The following ZNF362 variants were observed in gnomAD, a reference collection of about 807,000 sequenced individuals.
ZNF362 encodes rotund homolog.
ZNF362 carries 11 observed loss-of-function variants against 42.9 expected under a neutral mutation model. The ratio of observed to expected loss-of-function variants is 0.26; its 90% confidence interval spans 0.16 to 0.42. The LOEUF is 0.42. Ranked by LOEUF, ZNF362 falls within the 20% of genes least tolerant of loss-of-function variation. The probability of loss-of-function intolerance (pLI) is 1.00; values close to 1 mark genes in which losing one functional copy is unlikely to be tolerated. For synonymous variants in ZNF362, 255 were observed against 257.3 expected (o/e 0.99, Z 0.09); for missense variants, 362 against 576.2 (o/e 0.63, Z 3.81).
intron 1 of ZNF362, among the ~76,000 whole-genome samples, chr1:33,262,479 T>C (rs1645835470): frequency 6.6e-6 from 1 of 151,946 alleles, no homozygotes; most frequent in Admixed American, 6.5e-5. Flanking sequence ...GCTAATTTTT[T>C]TGTATTTTTA....
In ZNF362 at chr1:33,281,700, A is replaced by G. The variant is rs1645995973; in HGVS notation, c.797A>G (p.Asn266Ser). ...CCGCACTGCTCCAAGTCCTTTGCCA[A>G]CGCCTCCTACCTGGCCCAGCACCTG... ...KCPHCSKSFANASYLAQHLRI... is the reference protein window; with the variant it reads ...KCPHCSKSFASASYLAQHLRI... The change falls in exon 6 of 9, where the codon AAC (asparagine) becomes AGC (serine). Residue 266 changes from asparagine to serine, a missense_variant. Asn to Ser is a conservative substitution (Grantham distance 46). Transcript: ENST00000539719. This position sits in a 1 kb window ranked among gnomAD's most constrained non-coding sequence, Gnocchi z 4.8. 1 of 1,614,168 alleles carries G rather than the reference A, an allele frequency of 6.2e-7. No homozygotes were observed. The highest frequency in any genetic ancestry group is 8.5e-7 in the Non-Finnish European group (1 of 1,180,028).
chr1:33,165,755 C>G, the ZNF362 span: 1 of 429,470 alleles, frequency 2.3e-6, no homozygotes, highest in Non-Finnish European at 4.1e-6. This position sits in a 1 kb window ranked among gnomAD's most constrained non-coding sequence, Gnocchi z 4.0. Context: ...AGAACCCGTC[C>G]GTATCTTTCA....
At chr1:33,158,127 A>G in the ZNF362 span, 1 of 775,410 alleles carries the variant, frequency 1.3e-6, no homozygotes, top group Non-Finnish European at 2.2e-6. Context: ...CCTGGAACAC[A>G]CTAGGTGCTC....
At chr1:33,207,923 T>A in the ZNF362 span, among the ~76,000 whole-genome samples, 3 of 152,204 alleles carry the variant, frequency 2.0e-5, no homozygotes, top group African/African-American at 7.2e-5. Context: ...GATAGTTTCT[T>A]TTGCTGTGCA....
the ZNF362 span, among the ~76,000 whole-genome samples, chr1:33,184,339 A>T: frequency 6.6e-6 from 1 of 152,332 alleles, no homozygotes; most frequent in African/African-American, 2.4e-5. Flanking sequence ...AGGAGATGTG[A>T]TGGAAATTGC....
At chr1:33,170,321 TAA>T in the ZNF362 span, among the ~76,000 whole-genome samples, 353 of 146,312 alleles carry the variant, frequency 2.4e-3, no homozygotes, top group East Asian at 7.1e-3. Flanking sequence ...CCAGTCTCTT[TAA>T]AAAAAAAAAA....
At chr1:33,238,671 A>G in the ZNF362 span, among the ~76,000 whole-genome samples, 1 of 152,100 alleles carries the variant, frequency 6.6e-6, no homozygotes, top group African/African-American at 2.4e-5. Context: ...ATGTGACTGG[A>G]TTTGGAGACA....
In ZNF362 at chr1:33,300,464, A is replaced by G. The variant is rs1222522011; in HGVS notation, c.*1418A>G. 7 of 152,410 alleles carry G rather than the reference A, an allele frequency of 4.6e-5. No individual in the cohort carries two copies. The highest frequency in any genetic ancestry group is 1.5e-5 in the Non-Finnish European group (1 of 68,018). The allele number at this position is 152,410 out of a possible 1,614,324, so 9.4% of individuals were successfully genotyped here. The stretch of plus-strand genomic sequence containing the variant: ...GGGACCTCCAGGCCACCATATTTAG[A>G]ACTAGTTACCTTATTAAAAAAGAAA... On this transcript the variant is annotated 3_prime_UTR_variant, in exon 9 of 9. Coordinates refer to ENST00000539719, the MANE Select transcript of ZNF362 (RefSeq NM_152493.3).
At chr1:33,287,696 A>G (rs1325099524) in intron 6 of ZNF362, among the ~76,000 whole-genome samples, 1 of 152,166 alleles carries the variant, frequency 6.6e-6, no homozygotes, top group Non-Finnish European at 1.5e-5. Context: ...AGCAGGGGAA[A>G]GTGTCCTTTT....
the ZNF362 span, among the ~76,000 whole-genome samples, chr1:33,217,945 C>T: frequency 9.5e-3 from 1,451 of 152,274 alleles, 24 homozygotes; most frequent in African/African-American, 0.033. Flanking sequence ...TACATACTCA[C>T]ATACAAATAT....
chr1:33,147,615 C>T, the ZNF362 span: 16 of 1,613,976 alleles, frequency 9.9e-6, no homozygotes, highest in East Asian at 1.3e-4. The surrounding 1 kb of genome is among the most constrained non-coding windows in gnomAD (Gnocchi z 8.1). Context: ...AGCGCTTTGG[C>T]GAGTCCTGCA....
At chr1:33,239,356 C>T in the ZNF362 span, among the ~76,000 whole-genome samples, 1 of 152,132 alleles carries the variant, frequency 6.6e-6, no homozygotes, top group South Asian at 2.1e-4. Flanking sequence ...TACTCATATA[C>T]TTACTGGTAC....
chr1:33,217,805 C>T, the ZNF362 span, among the ~76,000 whole-genome samples: 1 of 152,126 alleles, frequency 6.6e-6, no homozygotes, highest in Non-Finnish European at 1.5e-5. Flanking sequence ...AACACACACC[C>T]ACAACTTTAT....
At chr1:33,157,555 T>A in the ZNF362 span, among the ~76,000 whole-genome samples, 1,271 of 152,226 alleles carry the variant, frequency 8.3e-3, 17 homozygotes, top group African/African-American at 0.029. Flanking sequence ...CTACTTTCTA[T>A]CTCACACCCT....
the ZNF362 span, among the ~76,000 whole-genome samples, chr1:33,205,402 G>T: frequency 6.6e-6 from 1 of 151,930 alleles, no homozygotes; most frequent in African/African-American, 2.4e-5. Context: ...GGAGGATCAC[G>T]TGAGCCCAGG....
rs781439925 is a variant in ZNF362 at position 33,294,897 on chromosome 1, T to C, written c.909-40T>C. On this transcript the variant is annotated intron_variant, in intron 6 of 8. Transcript: ENST00000539719. The surrounding 1 kb of genome is among the most constrained non-coding windows in gnomAD (Gnocchi z 4.2). ...TGGGAACTGGAGCGGTCTTGGGGTG[T>C]GTGTCAGGGACTTCGACCTTACTGG... 7 of 1,611,156 alleles carry C rather than the reference T, an allele frequency of 4.3e-6. No individual in the cohort carries two copies. The highest frequency in any genetic ancestry group is 1.7e-4 in the Middle Eastern group (1 of 6,058).
chr1:33,166,409 T>G, the ZNF362 span: 1 of 149,766 alleles, frequency 6.7e-6, no homozygotes, highest in Non-Finnish European at 1.5e-5. Context: ...TGGGGACCAC[T>G]GCTCTAAGGA....
At chr1:33,249,556 C>T in the ZNF362 span, among the ~76,000 whole-genome samples, 22 of 152,108 alleles carry the variant, frequency 1.4e-4, 1 homozygote. Flanking sequence ...CCCCTTCCTG[C>T]CCCACTCCCC....
At chr1:33,256,481 T>C (rs1645791255), upstream of ZNF362, 1 of 138,068 alleles carries the variant, frequency 7.2e-6, no homozygotes, top group South Asian at 1.9e-4. Flanking sequence ...GCCTCGGCGC[T>C]TGCAGAACCC....
Sources: gnomAD v4.1 joint callset for allele counts (sites outside exome capture counted in the v4.1 genomes callset) on GRCh38, gnomAD v4.1.1 for gene constraint, Gnocchi (gnomAD v3.1) non-coding constraint, MANE v1.5 for transcripts, NCBI Gene and HGNC (gene_info 2026-07-23, HGNC 2026-07-21) for gene names.